Variants in RBM5 observed in about 807,000 individuals in gnomAD.
RBM5 encodes the protein RNA binding motif protein 5, also known as RNA-binding protein 5.
In RBM5, 15 loss-of-function variants were observed where a neutral mutation model predicts 124.6. The observed-to-expected ratio is 0.12, with a 90% CI of 0.08 to 0.19. RBM5 has a LOEUF of 0.19. Among genes scored for constraint, RBM5 ranks in the 10% least tolerant of loss-of-function variants. The pLI is 1.00. For synonymous variants in RBM5, 337 were observed against 361.2 expected, an observed-to-expected ratio of 0.93 and a Z score of 0.76; for missense variants, 580 against 1,026.5, an observed-to-expected ratio of 0.57 and a Z score of 5.94.
chr3:50,108,275 G>C lies in RBM5; in HGVS notation c.1163G>C (p.Gly388Ala). ...CAGTTTTATCAACAACAAGCTGGAG[G>C]ATTGGAATCTGATGCATCATCTGCA... ...YQQFYQQQAGGLESDASSASG... is the reference protein window; with the variant it reads ...YQQFYQQQAGALESDASSASG... The change falls in exon 14 of 25, where the codon GGA becomes GCA. Residue 388 changes from glycine to alanine, a missense_variant. Around this residue, in one of 6 missense-constraint regions of RBM5, gnomAD observed 104 missense variants for 128.7 expected, o/e 0.81. Transcript: ENST00000347869. 1 of 1,613,366 alleles carries C rather than the reference G, an allele frequency of 6.2e-7. No individual in the cohort carries two copies. Among genetic ancestry groups the C allele is most frequent in the Non-Finnish European group, 8.5e-7 (1 of 1,179,246 alleles).
chr3:50,118,657 G>T lies in RBM5; in HGVS notation c.*201G>T. 1.3e-6 allele frequency: 1 copy of T among 748,778 alleles called. No homozygotes were observed. Among genetic ancestry groups the T allele is most frequent in the South Asian group, 1.8e-5 (1 of 54,644 alleles). 46.4% of individuals were successfully genotyped at this position (748,778 alleles called of 1,614,324 possible). On this transcript the variant is annotated 3_prime_UTR_variant, in exon 25 of 25. Transcript: ENST00000347869. ...TGCCTGGTGAATGGCCTTCCTTCCC[G>T]CCAGAGGGCTTGTGAACAGACCGGA... is the stretch of plus-strand genomic sequence containing the variant.
At chr3:50,089,469 CGGGGA>C (rs2090661620) in intron 1 of RBM5, among the ~76,000 whole-genome samples, 2 of 152,138 alleles carry the variant, frequency 1.3e-5, no homozygotes, top group Non-Finnish European at 2.9e-5. Flanking sequence ...GGGGCATGTG[CGGGGA>C]GGGCAGGCCG....
intron 2 of RBM5, 94 bp from the exon 3 acceptor site, chr3:50,091,949 T>C (rs2090710618): frequency 7.4e-7 from 1 of 1,353,948 alleles, no homozygotes; most frequent in Non-Finnish European, 1.1e-6. Flanking sequence ...GATTATCTTA[T>C]AAACTGATCT....
chr3:50,108,302 C>T lies in RBM5; in HGVS notation c.1190C>T (p.Ser397Leu). ...TTGGAATCTGATGCATCATCTGCATCAGGTAGTAAACTTCATCTCCCTTTT... is the reference window on the plus strand; with the variant it reads ...TTGGAATCTGATGCATCATCTGCATTAGGTAGTAAACTTCATCTCCCTTTT... Reference protein sequence around the residue: ...GGLESDASSASGTAVTTTSAA... With the variant: ...GGLESDASSALGTAVTTTSAA... The change falls in exon 14 of 25, where the codon TCA (serine) becomes TTA (leucine). Residue 397 changes from serine (S) to leucine (L), a missense_variant and splice_region_variant. This residue lies in a region of RBM5 where 104 missense variants were observed against 128.7 expected (regional missense o/e 0.81). Transcript: ENST00000347869. 1.2e-6 allele frequency: 2 copies of T among 1,607,006 alleles called. No individual in the cohort carries two copies. Among genetic ancestry groups the T allele is most frequent in the Non-Finnish European group, 1.7e-6 (2 of 1,173,490 alleles).
In RBM5 at chr3:50,105,602, G is replaced by T; in HGVS notation, c.748G>T (p.Ala250Ser). The T allele has an allele frequency of 6.2e-7, 1 of 1,614,166 alleles. No homozygotes were observed. The highest frequency in any genetic ancestry group is 8.5e-7 in the Non-Finnish European group (1 of 1,179,998). The change falls in exon 10 of 25, where the codon GCA becomes TCA. Residue 250 changes from alanine (A) to serine (S), a missense_variant. This residue lies in a region of RBM5 where 101 missense variants were observed against 223.2 expected (regional missense o/e 0.45). Transcript: ENST00000347869. ...PHTVVDSIMT[A>S]LSPYASLAVN... Reference sequence around the variant, plus strand: ...CACTGTGGTGGATTCCATCATGACAGCACTGTCTCCTTACGCGTCTTTAGC... The same window carrying T: ...CACTGTGGTGGATTCCATCATGACATCACTGTCTCCTTACGCGTCTTTAGC...
intron 4 of RBM5, 71 bp from the exon 5 acceptor site, chr3:50,099,911 G>A: frequency 7.4e-7 from 1 of 1,347,786 alleles, no homozygotes; most frequent in Non-Finnish European, 1.0e-6. Flanking sequence ...AACAGTTGAT[G>A]TAATTCCTAT....
Position 50,104,970 on chromosome 3 carries a change from AC to A in RBM5, c.629-106del, listed in dbSNP as rs1454564385. 2.4e-5 allele frequency: 21 copies of A among 860,638 alleles called. No individual in the cohort carries two copies. The Admixed American group carries it at 5.3e-4, about 22-fold the overall frequency. 53.3% of individuals were successfully genotyped at this position (860,638 alleles called of 1,614,324 possible). On this transcript the variant is annotated intron_variant, in intron 8 of 24. Transcript: ENST00000347869. The stretch of plus-strand genomic sequence containing the variant: ...GCACAAATGCTTAAAAAAGAAAAAA[AC>A]GATTGTTTTGTGTGGTTAAAATAAA...
intron 4 of RBM5, among the ~76,000 whole-genome samples, chr3:50,096,757 A>T (rs931381630): frequency 8.3e-5 from 12 of 145,094 alleles, no homozygotes; most frequent in African/African-American, 2.8e-4. Context: ...CTCCGAGCTA[A>T]TTTTTTTTTT....
intron 4 of RBM5, among the ~76,000 whole-genome samples, chr3:50,098,352 C>G (rs1022452446): frequency 6.6e-6 from 1 of 152,158 alleles, no homozygotes; most frequent in Non-Finnish European, 1.5e-5. Flanking sequence ...ATTGTAACCT[C>G]GAACTCCTGG....
At chr3:50,107,672 C>CT (rs71080575) in intron 12 of RBM5, 103 bp downstream of exon 12, 2,540 of 104,432 alleles carry the variant, frequency 0.024, 157 homozygotes, top group South Asian at 0.03. Flanking sequence ...CTTTTCTTTT[C>CT]TTTTTTTTTT....
intron 4 of RBM5, among the ~76,000 whole-genome samples, chr3:50,095,496 A>T (rs2090794814): frequency 6.6e-6 from 1 of 152,072 alleles, no homozygotes; most frequent in African/African-American, 2.4e-5. Flanking sequence ...GTCTTAGTGT[A>T]CTTGGCACTG....
intron 4 of RBM5, 46 bp from the exon 5 acceptor site, chr3:50,099,936 T>A: frequency 1.9e-6 from 3 of 1,544,540 alleles, no homozygotes; most frequent in Non-Finnish European, 2.7e-6. Flanking sequence ...TGGGGAATAG[T>A]GTGTGGCAAA....
In RBM5 at chr3:50,090,432, A is replaced by G; in HGVS notation, c.-3A>G. On this transcript the variant is annotated 5_prime_UTR_variant, in exon 2 of 25. Transcript: ENST00000347869. ...AGCTGTGTGCTAAATCTTCAGTGGG[A>G]CAATGGGTTCAGACAAAAGGTAAGT... is the stretch of plus-strand genomic sequence containing the variant. The G allele has an allele frequency of 2.5e-6, 4 of 1,614,072 alleles. No homozygotes were observed. The highest frequency in any genetic ancestry group is 1.7e-6 in the Non-Finnish European group (2 of 1,179,972).
intron 1 of RBM5, chr3:50,090,023 C>G (rs2090676618): frequency 5.7e-6 from 1 of 176,102 alleles, no homozygotes; most frequent in South Asian, 1.1e-4. Flanking sequence ...GGTCAACTAT[C>G]CCACGGAGTT....
chr3:50,113,740 A>C (rs574510441), intron 18 of RBM5, among the ~76,000 whole-genome samples, 196 bp downstream of exon 18: 1 of 152,326 alleles, frequency 6.6e-6, no homozygotes, highest in East Asian at 1.9e-4. Flanking sequence ...CTTAGGGAAA[A>C]AAGCCCTGGA....
chr3:50,097,579 G>GT (rs977264603), intron 4 of RBM5, among the ~76,000 whole-genome samples: 62 of 148,172 alleles, frequency 4.2e-4, no homozygotes, highest in South Asian at 3.9e-3. Flanking sequence ...ATTTCACCCT[G>GT]TTTTTTTTTT....
At chr3:50,104,359 G>A (rs2090994204) in intron 8 of RBM5, 51 bp downstream of exon 8, 2 of 1,565,690 alleles carry the variant, frequency 1.3e-6, no homozygotes, top group African/African-American at 1.4e-5. Context: ...TACTAACTGG[G>A]GCAGGGAGCA....
chr3:50,100,809 A>G lies in RBM5; in HGVS notation c.483+204A>G, dbSNP rs920598178. On this transcript the variant is annotated intron_variant, in intron 6 of 24. Transcript: ENST00000347869. The surrounding 1 kb of genome is among the most constrained non-coding windows in gnomAD (Gnocchi z 5.1). ...ATTTGTTCTGCCTTTAAACATGGCT[A>G]CCTACCTGGCAGGGCTTTGTTAACT... The G allele has an allele frequency of 2.0e-5, 9 of 452,708 alleles. No individual in the cohort carries two copies. The highest frequency in any genetic ancestry group is 3.9e-5 in the African/African-American group (2 of 51,070). 28.0% of individuals were successfully genotyped at this position (452,708 alleles called of 1,614,324 possible).
At chr3:50,095,651 G>A (rs907660713) in intron 4 of RBM5, among the ~76,000 whole-genome samples, 5 of 151,704 alleles carry the variant, frequency 3.3e-5, no homozygotes, top group Middle Eastern at 6.8e-3. Flanking sequence ...CTGATCTATC[G>A]GGCAGAGCTT....
Sources: allele counts gnomAD v4.1 joint callset (sites outside exome capture counted in the v4.1 genomes callset), GRCh38; gene constraint gnomAD v4.1.1; regional missense constraint gnomAD v4.1.1; non-coding constraint Gnocchi (gnomAD v3.1); transcripts MANE v1.5; gene names NCBI Gene and HGNC (gene_info 2026-07-23, HGNC 2026-07-21).